Variants in KCNAB2 observed in about 807,000 individuals in gnomAD.
KCNAB2 encodes the protein voltage-gated potassium channel subunit beta-2.
KCNAB2 carries 29 observed loss-of-function variants against 63.6 expected under a neutral mutation model. The observed-to-expected ratio is 0.46, with a 90% CI of 0.34 to 0.62. The LOEUF is 0.62. Ranked by LOEUF, KCNAB2 falls within the 20% of genes least tolerant of loss-of-function variation. The pLI, the probability that KCNAB2 is intolerant of heterozygous loss-of-function variation, is 0.01. For missense variants in KCNAB2, 359 were observed against 563.9 expected, an observed-to-expected ratio of 0.64 and a Z score of 3.68; for synonymous variants, 222 against 224.2, an observed-to-expected ratio of 0.99 and a Z score of 0.09.
Position 6,099,867 on chromosome 1 carries a change from G to A in KCNAB2, c.*1293G>A. On this transcript the variant is annotated 3_prime_UTR_variant, in exon 16 of 16. Transcript: ENST00000378083. ...GGACAGGCCAGAGTGACGCCCCCGT[G>A]CAGCTTGGGCCGGAGGGCAAGGGAT... The A allele has an allele frequency of 6.5e-7, 1 of 1,549,656 alleles. No individual in the cohort carries two copies. Among genetic ancestry groups the A allele is most frequent in the Non-Finnish European group, 8.7e-7 (1 of 1,146,548 alleles).
At chr1:6,031,592 A>G (rs1659625971), upstream of KCNAB2, among the ~76,000 whole-genome samples, 1 of 152,102 alleles carries the variant, frequency 6.6e-6, no homozygotes, top group Non-Finnish European at 1.5e-5. The surrounding 1 kb of genome is among the most constrained non-coding windows in gnomAD (Gnocchi z 4.1). Flanking sequence ...TTTTCCAAAA[A>G]TCTGCCAGCC....
chr1:6,005,920 A>AT (rs1269086261), intron 1 of KCNAB2, among the ~76,000 whole-genome samples: 1 of 100,732 alleles, frequency 9.9e-6, no homozygotes, highest in Non-Finnish European at 1.8e-5. Flanking sequence ...CAGCTCCCAC[A>AT]TCCCCCCACT....
intron 1 of KCNAB2, 42 bp downstream of exon 1, chr1:6,046,225 C>T: frequency 4.1e-6 from 4 of 982,680 alleles, no homozygotes; most frequent in African/African-American, 1.7e-5. Flanking sequence ...GTGGAGATGC[C>T]GCTTGGGGGC....
chr1:5,999,956 G>A (rs1288349220), intron 1 of KCNAB2, among the ~76,000 whole-genome samples: 1 of 150,534 alleles, frequency 6.6e-6, no homozygotes, highest in Non-Finnish European at 1.5e-5. Context: ...TCTGTGCCCC[G>A]TCCGCACCCT....
At chr1:6,057,478 C>T (rs1347193062) in intron 2 of KCNAB2, among the ~76,000 whole-genome samples, 1 of 141,852 alleles carries the variant, frequency 7.0e-6, no homozygotes, top group African/African-American at 2.6e-5. Context: ...ACAGCAGAGA[C>T]CAGGGGGGAT....
upstream of KCNAB2, among the ~76,000 whole-genome samples, chr1:6,042,849 C>CG (rs769268675): frequency 1.8e-5 from 2 of 110,070 alleles, no homozygotes; most frequent in African/African-American, 7.3e-5. Flanking sequence ...CCCCACCCCC[C>CG]CCCCCGTTTG....
intron 4 of KCNAB2, among the ~76,000 whole-genome samples, chr1:6,076,761 C>T (rs111492615): frequency 0.045 from 6,870 of 152,246 alleles, 515 homozygotes; most frequent in African/African-American, 0.16. Flanking sequence ...AGGGAGGTGG[C>T]CTGTATGTCT....
At chr1:6,084,993 C>G (rs75310325) in intron 5 of KCNAB2, among the ~76,000 whole-genome samples, 1,834 of 152,272 alleles carry the variant, frequency 0.012, 34 homozygotes, top group African/African-American at 0.042. Flanking sequence ...CCACAGCCAT[C>G]CTAGTGGGGG....
intron 1 of KCNAB2, among the ~76,000 whole-genome samples, chr1:6,008,546 G>A (rs751918870): frequency 1.3e-5 from 2 of 151,952 alleles, no homozygotes; most frequent in African/African-American, 2.4e-5. Context: ...GCTTGAACCC[G>A]GGTGGCGTGG....
chr1:6,060,741 A>G (rs571163718), intron 2 of KCNAB2, among the ~76,000 whole-genome samples: 6 of 152,162 alleles, frequency 3.9e-5, no homozygotes, highest in Admixed American at 6.5e-5. Flanking sequence ...CGTCTCTACT[A>G]AAAATACAAA....
chr1:6,037,147 C>T (rs1180369650), intron 1 of KCNAB2, among the ~76,000 whole-genome samples: 1 of 152,218 alleles, frequency 6.6e-6, no homozygotes, highest in Non-Finnish European at 1.5e-5. Flanking sequence ...TTACCTGGAA[C>T]TTGTGGGAAA....
At chr1:6,085,748 C>T (rs916291321) in intron 6 of KCNAB2, 133 of 786,644 alleles carry the variant, frequency 1.7e-4, no homozygotes, top group Middle Eastern at 1.3e-3. Context: ...AGGATCTTCG[C>T]GGCGTCTCAG....
chr1:6,058,489 T>C (rs1178704734), intron 2 of KCNAB2, among the ~76,000 whole-genome samples: 1 of 152,222 alleles, frequency 6.6e-6, no homozygotes. Context: ...CCGGGGTCAC[T>C]ACAGCAGAAT....
rs1032450670 is a variant in KCNAB2 at position 6,067,685 on chromosome 1, C to A, written c.219-5070C>A. The stretch of plus-strand genomic sequence containing the variant: ...CTTAATGACAGTCCAGAATGGAATT[C>A]TCTGTTCTAGAAGCTCTGGGGTTTA... On this transcript the variant is annotated intron_variant, in intron 2 of 15. Coordinates refer to ENST00000378083, the MANE Select transcript of KCNAB2 (RefSeq NM_001199862.2). 3.9e-5 allele frequency among the ~76,000 whole-genome samples: 6 copies of A among 152,278 alleles called. No homozygotes were observed. In the South Asian group the frequency reaches 1.2e-3, roughly 32 times the overall value.
rs528787608 is a variant in KCNAB2 at position 6,073,999 on chromosome 1, A to T, written c.300+229A>T. On this transcript the variant is annotated intron_variant, in intron 4 of 15. Coordinates refer to ENST00000378083, the MANE Select transcript of KCNAB2 (RefSeq NM_001199862.2). The surrounding 1 kb of genome is among the most constrained non-coding windows in gnomAD (Gnocchi z 5.7). The stretch of plus-strand genomic sequence containing the variant: ...GTCTGGTGCCATCACCCAGCAGTGG[A>T]TGCCTCGGGCCTCAGCATGTCCCTT... 6.6e-6 allele frequency among the ~76,000 whole-genome samples: 1 copy of T among 152,196 alleles called. No individual in the cohort carries two copies. The highest frequency in any genetic ancestry group is 1.5e-5 in the Non-Finnish European group (1 of 68,040).
Position 6,086,789 on chromosome 1 carries a change from C to T in KCNAB2, c.426-678C>T, listed in dbSNP as rs1160285502. Among the ~76,000 whole-genome samples the T allele has an allele frequency of 6.6e-6, 1 of 152,144 alleles. No homozygotes were observed. The highest frequency in any genetic ancestry group is 1.5e-5 in the Non-Finnish European group (1 of 68,002). On this transcript the variant is annotated intron_variant, in intron 6 of 15. Coordinates refer to ENST00000378083, the MANE Select transcript of KCNAB2 (RefSeq NM_001199862.2). This position sits in a 1 kb window ranked among gnomAD's most constrained non-coding sequence, Gnocchi z 4.2. ...ATTCTCTGCCTCAGCTACTCAAACCCAGAACCCCACTGGCCTGGCCACACT... is the reference window on the plus strand; with the variant it reads ...ATTCTCTGCCTCAGCTACTCAAACCTAGAACCCCACTGGCCTGGCCACACT...
intron 10 of KCNAB2, among the ~76,000 whole-genome samples, chr1:6,093,605 T>TC (rs1375561374): frequency 6.6e-6 from 1 of 152,150 alleles, no homozygotes; most frequent in African/African-American, 2.4e-5. Context: ...TTCAGGTTGT[T>TC]CCCAGGGCTC....
upstream of KCNAB2, among the ~76,000 whole-genome samples, chr1:6,030,302 G>T (rs1255430850): frequency 6.6e-6 from 1 of 152,188 alleles, no homozygotes; most frequent in Admixed American, 6.5e-5. Flanking sequence ...ATATGTAGCA[G>T]GGTGGACTGG....
chr1:6,054,007 C>A (rs1661597818), intron 2 of KCNAB2, among the ~76,000 whole-genome samples: 1 of 149,832 alleles, frequency 6.7e-6, no homozygotes, highest in South Asian at 2.1e-4. Context: ...TGTGCCACTG[C>A]ACTCCAGCCT....
Sources: allele counts gnomAD v4.1 joint callset (sites outside exome capture counted in the v4.1 genomes callset), GRCh38; gene constraint gnomAD v4.1.1; non-coding constraint Gnocchi (gnomAD v3.1); transcripts MANE v1.5; gene names NCBI Gene and HGNC (gene_info 2026-07-23, HGNC 2026-07-21).